The following TOMM70 variants were observed in gnomAD, a reference collection of about 807,000 sequenced individuals.
TOMM70 encodes translocase of outer mitochondrial membrane 70.
Under a neutral mutation model 73.6 loss-of-function variants are expected in TOMM70, and 13 were observed. The observed-to-expected ratio is 0.18, with a 90% CI of 0.11 to 0.28. The LOEUF (loss-of-function observed/expected upper bound fraction) is 0.28. TOMM70 is among the 10% of genes least tolerant of loss of function. The pLI is 1.00. For missense variants in TOMM70, 609 were observed against 747.5 expected (o/e 0.81, Z 2.16); for synonymous variants, 257 against 271.2 (o/e 0.95, Z 0.51).
At chr3:100,385,845 C>A (rs1423811465) in intron 3 of TOMM70, among the ~76,000 whole-genome samples, 1 of 152,100 alleles carries the variant, frequency 6.6e-6, no homozygotes, top group South Asian at 2.1e-4. Flanking sequence ...ATATTATAAA[C>A]ACAGCTCTCA....
intron 8 of TOMM70, 31 bp from the exon 9 acceptor site, chr3:100,372,753 CAAG>C (rs1302565293): frequency 2.2e-5 from 34 of 1,551,906 alleles, no homozygotes; most frequent in Non-Finnish European, 2.9e-5. Flanking sequence ...CCTGTCAAAT[CAAG>C]AACTCAAAAA....
intron 7 of TOMM70, 99 bp from the exon 8 acceptor site, chr3:100,373,744 T>G (rs1419808511): frequency 1.5e-6 from 1 of 666,886 alleles, no homozygotes; most frequent in Admixed American, 3.3e-5. Flanking sequence ...ATGCTGAGCA[T>G]GTAGTAGTAA....
Position 100,369,127 on chromosome 3 carries a change from T to G in TOMM70, c.1461A>C (p.Thr487=). The change falls in exon 10 of 12, where the codon ACA becomes ACC. Residue 487 remains threonine, a synonymous_variant. Coordinates refer to ENST00000284320, the MANE Select transcript of TOMM70 (RefSeq NM_014820.5). Reference sequence around the variant, plus strand: ...CAGCTTTACCAAACTGTTGTTGATCTGTTAATGCCTATGTGAGGAGATACT... The same window carrying G: ...CAGCTTTACCAAACTGTTGTTGATCGGTTAATGCCTATGTGAGGAGATACT... ...EGYALYAQAL[T]DQQQFGKADE... is the part of the protein sequence containing the mutation. The G allele has an allele frequency of 1.2e-6, 2 of 1,611,788 alleles. No homozygotes were observed. Among genetic ancestry groups the G allele is most frequent in the Non-Finnish European group, 1.7e-6 (2 of 1,178,338 alleles).
At chr3:100,372,876 A>G (rs1186322056) in intron 8 of TOMM70, among the ~76,000 whole-genome samples, 154 bp from the exon 9 acceptor site, 1 of 152,228 alleles carries the variant, frequency 6.6e-6, no homozygotes, top group African/African-American at 2.4e-5. Flanking sequence ...TAGGTATCTC[A>G]GCAGCAGAGA....
At chr3:100,379,480 TA>T (rs1233374499) in intron 5 of TOMM70, among the ~76,000 whole-genome samples, 1 of 151,892 alleles carries the variant, frequency 6.6e-6, no homozygotes, top group African/African-American at 2.4e-5. Context: ...CAAAAAAAAT[TA>T]GCCAGGCATG....
intron 11 of TOMM70, 149 bp downstream of exon 11, chr3:100,367,895 C>T: frequency 1.2e-6 from 1 of 821,570 alleles, no homozygotes. Context: ...ATCCTTATGT[C>T]ACTGCCTTAG....
At chr3:100,379,501 A>G (rs1033719323) in intron 5 of TOMM70, among the ~76,000 whole-genome samples, 2 of 152,132 alleles carry the variant, frequency 1.3e-5, no homozygotes, top group Non-Finnish European at 2.9e-5. Flanking sequence ...GGTGGTGTGC[A>G]CTTAGAGTCC....
chr3:100,382,577 T>C (rs752458191), intron 4 of TOMM70, among the ~76,000 whole-genome samples: 2 of 152,194 alleles, frequency 1.3e-5, no homozygotes, highest in Admixed American at 6.5e-5. Flanking sequence ...TGCCTAACTT[T>C]AGTACTTTAC....
intron 9 of TOMM70, 164 bp downstream of exon 9, chr3:100,372,442 T>C: frequency 1.9e-6 from 1 of 538,908 alleles, no homozygotes; most frequent in Non-Finnish European, 3.3e-6. Context: ...AAGGAGCCTC[T>C]TCTGAGGTGA....
chr3:100,379,819 A>C (rs1332221487), intron 5 of TOMM70, among the ~76,000 whole-genome samples: 1 of 152,044 alleles, frequency 6.6e-6, no homozygotes, highest in African/African-American at 2.4e-5. Flanking sequence ...GGGTTTCTCC[A>C]TGTTGCCCAG....
At chr3:100,385,379 G>T (rs528052117) in intron 3 of TOMM70, among the ~76,000 whole-genome samples, 59 of 152,300 alleles carry the variant, frequency 3.9e-4, no homozygotes, top group Admixed American at 1.0e-3. Flanking sequence ...ACCAAAGTAT[G>T]TGCCACCACA....
At chr3:100,373,444 A>G in intron 8 of TOMM70, 94 bp downstream of exon 8, 1 of 1,018,344 alleles carries the variant, frequency 9.8e-7, no homozygotes, top group Non-Finnish European at 1.4e-6. Flanking sequence ...AAAGAAAGAA[A>G]AAGACGACTT....
chr3:100,397,307 AAAG>A (rs1706836294), intron 1 of TOMM70, among the ~76,000 whole-genome samples: 1 of 152,258 alleles, frequency 6.6e-6, no homozygotes, highest in Non-Finnish European at 1.5e-5. Context: ...CAGACTATTA[AAAG>A]AAGACAAAAG....
intron 9 of TOMM70, among the ~76,000 whole-genome samples, chr3:100,371,573 T>C (rs1186495530): frequency 6.6e-6 from 1 of 152,062 alleles, no homozygotes; most frequent in African/African-American, 2.4e-5. Context: ...AGCCAGGGGA[T>C]AGTAATTTGT....
At chr3:100,398,318 A>C (rs1319035561) in intron 1 of TOMM70, among the ~76,000 whole-genome samples, 1 of 145,860 alleles carries the variant, frequency 6.9e-6, no homozygotes, top group Non-Finnish European at 1.5e-5. Flanking sequence ...CAGGAGGCAG[A>C]GGTTGCAGTG....
At chr3:100,389,363 C>G (rs1195237690) in intron 1 of TOMM70, among the ~76,000 whole-genome samples, 1 of 151,900 alleles carries the variant, frequency 6.6e-6, no homozygotes, top group Non-Finnish European at 1.5e-5. Context: ...CAACAAAAAG[C>G]AGAAAGGAAG....
In TOMM70 at chr3:100,400,830, C is replaced by G. The variant is rs1162661184; in HGVS notation, c.120G>C (p.Gln40His). ...GPGTGGLPRW[Q>H]LALAVGAPLL... is the part of the protein sequence containing the mutation. ...GGGGTGCCCCGACCGCCAGAGCCAG[C>G]TGCCATCGCGGCAGCCCCCCCGTGC... Residue 40 changes from glutamine to histidine, a missense_variant, in exon 1 of 12, where the codon CAG (glutamine) becomes CAC (histidine). By Grantham distance (24) the Gln-to-His change is conservative. Transcript: ENST00000284320. 1.3e-6 allele frequency: 2 copies of G among 1,524,204 alleles called. No individual in the cohort carries two copies. The highest frequency in any genetic ancestry group is 8.7e-7 in the Non-Finnish European group (1 of 1,143,564). The allele number at this position is 1,524,204 out of a possible 1,614,324, so 94.4% of individuals were successfully genotyped here.
chr3:100,399,753 T>A (rs1706868011), intron 1 of TOMM70, among the ~76,000 whole-genome samples: 1 of 148,406 alleles, frequency 6.7e-6, no homozygotes, highest in Non-Finnish European at 1.5e-5. Context: ...TTTTTTTTTT[T>A]TGTATGTGTG....
intron 1 of TOMM70, among the ~76,000 whole-genome samples, chr3:100,390,959 G>A (rs1421630005): frequency 2.7e-5 from 4 of 150,942 alleles, no homozygotes; most frequent in Non-Finnish European, 5.9e-5. Context: ...CTAACACGGT[G>A]AAACCCCGTC....
Sources: allele counts gnomAD v4.1 joint callset (sites outside exome capture counted in the v4.1 genomes callset), GRCh38; gene constraint gnomAD v4.1.1; transcripts MANE v1.5; gene names NCBI Gene and HGNC (gene_info 2026-07-23, HGNC 2026-07-21).